Variants in CSNK1D observed in about 807,000 individuals in gnomAD.
CSNK1D encodes the protein casein kinase I isoform delta.
CSNK1D carries 16 observed loss-of-function variants against 46.6 expected under a neutral mutation model. The observed-to-expected ratio is 0.34, with a 90% CI of 0.23 to 0.52. CSNK1D has a LOEUF of 0.52. CSNK1D is among the 20% of genes least tolerant of loss of function. CSNK1D has a pLI of 0.95. For missense variants in CSNK1D, 398 were observed against 578.4 expected, an observed-to-expected ratio of 0.69 and a Z score of 3.20; for synonymous variants, 276 against 228.2, an observed-to-expected ratio of 1.21 and a Z score of -1.89.
intron 2 of CSNK1D, among the ~76,000 whole-genome samples, chr17:82,256,150 A>G (rs1290111901): frequency 3.3e-5 from 5 of 152,382 alleles, no homozygotes; most frequent in African/African-American, 9.6e-5. Context: ...TAAAGACACA[A>G]TAAATCCAAC....
chr17:82,269,195 C>T lies in CSNK1D; in HGVS notation c.77-3399G>A, dbSNP rs537087098. ...CAGGAGGGTAATTCTGAATTACCAG[C>T]CTGGATGCTGGCAACTCCCATTAAG... On this transcript the variant is annotated intron_variant, in intron 1 of 8. Coordinates refer to ENST00000314028, the MANE Select transcript of CSNK1D (RefSeq NM_001893.6). Among the ~76,000 whole-genome samples the T allele has an allele frequency of 6.6e-5, 10 of 151,674 alleles. No homozygotes were observed. In the South Asian group the frequency reaches 2.1e-3, roughly 32 times the overall value.
At chr17:82,261,488 G>A (rs2051338827) in intron 2 of CSNK1D, among the ~76,000 whole-genome samples, 1 of 152,212 alleles carries the variant, frequency 6.6e-6, no homozygotes, top group Non-Finnish European at 1.5e-5. Context: ...CAATATAAAT[G>A]TGGGGACTGA....
At chr17:82,261,014 A>C (rs2051326438) in intron 2 of CSNK1D, 1 of 154,944 alleles carries the variant, frequency 6.5e-6, no homozygotes, top group Non-Finnish European at 1.5e-5. Context: ...CTGAGACTAC[A>C]GATGTAAGCC....
rs2147172353 is a variant in CSNK1D at position 82,252,168 on chromosome 17, C to T, written c.736+266G>A. ...TCCATCCCTTTCCAGCCACTTGGGG[C>T]CCTGAGGCTCGGGCCTGCCTTGCCT... On this transcript the variant is annotated intron_variant, in intron 5 of 8. Transcript: ENST00000314028. The surrounding 1 kb of genome is among the most constrained non-coding windows in gnomAD (Gnocchi z 4.6). Among the ~76,000 whole-genome samples the T allele has an allele frequency of 6.6e-6, 1 of 152,344 alleles. No individual in the cohort carries two copies. The highest frequency in any genetic ancestry group is 1.5e-5 in the Non-Finnish European group (1 of 68,032).
At position 82,251,171 on chromosome 17, in the gene CSNK1D, G is replaced by A. The variant is rs536101944; in HGVS notation, c.885+208C>T. 2.2e-5 allele frequency: 13 copies of A among 591,808 alleles called. No individual in the cohort carries two copies. The highest frequency in any genetic ancestry group is 2.8e-5 in the Admixed American group (1 of 36,324). 36.7% of individuals were successfully genotyped at this position (591,808 alleles called of 1,614,324 possible). Reference sequence around the variant, plus strand: ...CCAGGAATTCCATGGACCCCTCTGCGTTCCCTAATGGCGTCTTACTTCTTG... The same window carrying A: ...CCAGGAATTCCATGGACCCCTCTGCATTCCCTAATGGCGTCTTACTTCTTG... On this transcript the variant is annotated intron_variant, in intron 6 of 8. Transcript: ENST00000314028. The surrounding 1 kb of genome is among the most constrained non-coding windows in gnomAD (Gnocchi z 4.5).
chr17:82,253,148 C>T lies in CSNK1D; in HGVS notation c.433G>A (p.Val145Met), dbSNP rs1360479705. 1.9e-6 allele frequency: 3 copies of T among 1,614,084 alleles called. No homozygotes were observed. The highest frequency in any genetic ancestry group is 2.2e-5 in the South Asian group (2 of 91,090). The change falls in exon 4 of 9, where the codon GTG becomes ATG. Residue 145 changes from valine to methionine, a missense_variant. By Grantham distance (21) the Val-to-Met change is conservative (BLOSUM62 1). Transcript: ENST00000314028. ...LMGLGKKGNLVYIIDFGLAKK... is the reference protein window; with the variant it reads ...LMGLGKKGNLMYIIDFGLAKK... ...GCCAGCCCGAAGTCGATGATGTACA[C>T]CAGGTTGCCCTTCTTCCCCAGGCCC...
chr17:82,240,212 G>T, downstream of CSNK1D: 1 of 486,260 alleles, frequency 2.1e-6, no homozygotes, highest in Non-Finnish European at 3.3e-6. Flanking sequence ...GGCTCAGGCT[G>T]GCGGGCAGTG....
At chr17:82,242,224 G>T (rs2050750943), downstream of CSNK1D, among the ~76,000 whole-genome samples, 2 of 143,352 alleles carry the variant, frequency 1.4e-5, no homozygotes, top group African/African-American at 5.1e-5. Context: ...GGGGGGGGGG[G>T]AAGAGGAACC....
At chr17:82,239,494 G>A (rs1599565059), downstream of CSNK1D, 1 of 169,762 alleles carries the variant, frequency 5.9e-6, no homozygotes, top group Non-Finnish European at 1.2e-5. Context: ...CGGTTTCCTA[G>A]GAGTATGTGG....
intron 1 of CSNK1D, among the ~76,000 whole-genome samples, chr17:82,270,782 C>T (rs2051600802): frequency 6.6e-6 from 1 of 152,162 alleles, no homozygotes; most frequent in Non-Finnish European, 1.5e-5. Flanking sequence ...TAACCCCACT[C>T]AAGTAACTGG....
At position 82,244,585 on chromosome 17, in the gene CSNK1D, A is replaced by T; in HGVS notation, c.*196T>A. On this transcript the variant is annotated 3_prime_UTR_variant, in exon 9 of 9. Transcript: ENST00000314028. ...GAGTTCACGTGGGGGGCCGCAGTGC[A>T]GCCCCAGCGGTGGCAGCTCTTGGAG... 2 of 1,508,802 alleles carry T rather than the reference A, an allele frequency of 1.3e-6. No homozygotes were observed. Among genetic ancestry groups the T allele is most frequent in the Middle Eastern group, 1.8e-4 (1 of 5,536 alleles). 93.5% of individuals were successfully genotyped at this position (1,508,802 alleles called of 1,614,324 possible). A position where few individuals can be genotyped will look rare whatever the true frequency, so the allele number is the denominator to read the frequency against.
Position 82,272,807 on chromosome 17 carries a change from G to C in CSNK1D, c.76+499C>G, listed in dbSNP as rs576765206. 3.3e-5 allele frequency among the ~76,000 whole-genome samples: 5 copies of C among 152,332 alleles called. No homozygotes were observed. The South Asian group carries it at 6.2e-4, about 19-fold the overall frequency. On this transcript the variant is annotated intron_variant, in intron 1 of 8. Transcript: ENST00000314028. ...CCCGGACCGGGCTGCGGAAGAAAGA[G>C]CGTGGCCTTTGTTTACTGCGGTGAC...
chr17:82,253,497 G>T, intron 3 of CSNK1D: 1 of 497,098 alleles, frequency 2.0e-6, no homozygotes, highest in Non-Finnish European at 3.8e-6. Context: ...GAGGTGAGGC[G>T]ACAGAGAGGG....
chr17:82,264,797 CT>C (rs528693963), intron 2 of CSNK1D, among the ~76,000 whole-genome samples: 360 of 133,304 alleles, frequency 2.7e-3, no homozygotes, highest in Admixed American at 3.0e-3. Context: ...CACACAAAAT[CT>C]TTTTTTTTTT....
chr17:82,247,433 A>C (rs2050878787), intron 8 of CSNK1D: 2 of 985,330 alleles, frequency 2.0e-6, no homozygotes, highest in African/African-American at 3.5e-5. Context: ...TGGACACTTT[A>C]CTTTCTTTAA....
rs1568548394 is a variant in CSNK1D at position 82,243,228 on chromosome 17, G to C, written c.*1553C>G. On this transcript the variant is annotated 3_prime_UTR_variant, in exon 9 of 9. Transcript: ENST00000314028. Reference sequence around the variant, plus strand: ...CAACTGTGTTCTGGGACGCCAGCCAGTTATGGCATCCGGGGAACTCTGGGG... The same window carrying C: ...CAACTGTGTTCTGGGACGCCAGCCACTTATGGCATCCGGGGAACTCTGGGG... 3.0e-6 allele frequency: 3 copies of C among 985,502 alleles called. No individual in the cohort carries two copies. The highest frequency in any genetic ancestry group is 3.6e-6 in the Non-Finnish European group (3 of 830,076). The allele number at this position is 985,502 out of a possible 1,614,324, so 61.0% of individuals were successfully genotyped here. A position where few individuals can be genotyped will look rare whatever the true frequency, so the allele number is the denominator to read the frequency against.
intron 8 of CSNK1D, chr17:82,245,354 G>A (rs1318762578): frequency 1.6e-5 from 4 of 249,186 alleles, no homozygotes; most frequent in Non-Finnish European, 3.2e-5. Context: ...CACCGACGGC[G>A]GGGAGTGAGT....
chr17:82,272,984 C>G (rs1209540846), intron 1 of CSNK1D: 2 of 288,778 alleles, frequency 6.9e-6, no homozygotes, highest in Admixed American at 1.1e-4. Context: ...TCCCCACGAC[C>G]CTGCCCCTAC....
Position 82,251,120 on chromosome 17 carries a change from G to C in CSNK1D, c.885+259C>G, listed in dbSNP as rs532186583. 1 of 487,802 alleles carries C rather than the reference G, an allele frequency of 2.1e-6. No individual in the cohort carries two copies. Among genetic ancestry groups the C allele is most frequent in the Admixed American group, 3.3e-5 (1 of 30,244 alleles). 30.2% of individuals were successfully genotyped at this position (487,802 alleles called of 1,614,324 possible). ...CCCTAGCTCCGCTTGGTGACAGGGAGGGAAGGGGCCTCCTGCTGTCCACAC... is the reference window on the plus strand; with the variant it reads ...CCCTAGCTCCGCTTGGTGACAGGGACGGAAGGGGCCTCCTGCTGTCCACAC... On this transcript the variant is annotated intron_variant, in intron 6 of 8. Coordinates refer to ENST00000314028, the MANE Select transcript of CSNK1D (RefSeq NM_001893.6). This position sits in a 1 kb window ranked among gnomAD's most constrained non-coding sequence, Gnocchi z 4.5.
Sources: allele counts gnomAD v4.1 joint callset (sites outside exome capture counted in the v4.1 genomes callset), GRCh38; gene constraint gnomAD v4.1.1; non-coding constraint Gnocchi (gnomAD v3.1); transcripts MANE v1.5; gene names NCBI Gene and HGNC (gene_info 2026-07-23, HGNC 2026-07-21).